The following TESC variants were observed in gnomAD, a reference collection of about 807,000 sequenced individuals.
The protein encoded by TESC is calcineurin B homologous protein 3.
Under a neutral mutation model 31.0 loss-of-function variants are expected in TESC, and 19 were observed. That is an observed-to-expected ratio of 0.61 (90% CI 0.43 to 0.90). TESC has a LOEUF of 0.90. Among genes scored for constraint, TESC ranks in the 40% least tolerant of loss-of-function variants. The pLI is 0.00. For missense variants in TESC, 248 were observed against 303.8 expected, an observed-to-expected ratio of 0.82 and a Z score of 1.36; for synonymous variants, 109 against 114.8, an observed-to-expected ratio of 0.95 and a Z score of 0.32.
intron 1 of TESC, among the ~76,000 whole-genome samples, chr12:117,077,552 T>A (rs887952588): frequency 1.3e-5 from 2 of 152,238 alleles, no homozygotes; most frequent in African/African-American, 4.8e-5. Flanking sequence ...AGAGTGCTAA[T>A]GTGTAATATA....
At chr12:117,075,923 G>GTGTGTGTA (rs1280720061) in intron 1 of TESC, among the ~76,000 whole-genome samples, 16 of 68,666 alleles carry the variant, frequency 2.3e-4, no homozygotes, top group East Asian at 3.3e-4. Context: ...ATGTGTGTGT[G>GTGTGTGTA]TATATATATA....
intron 7 of TESC, among the ~76,000 whole-genome samples, chr12:117,041,181 G>A (rs1954478370): frequency 1.3e-5 from 2 of 152,220 alleles, no homozygotes; most frequent in Non-Finnish European, 2.9e-5. Context: ...AGGGAGGAGG[G>A]CAGAGTGGGC....
intron 1 of TESC, among the ~76,000 whole-genome samples, chr12:117,077,605 T>C (rs749500145): frequency 2.0e-5 from 3 of 152,168 alleles, no homozygotes; most frequent in Non-Finnish European, 4.4e-5. Flanking sequence ...ATGAACAATA[T>C]AGATAATCAC....
At chr12:117,053,397 G>C (rs1001051607) in intron 3 of TESC, among the ~76,000 whole-genome samples, 1 of 152,166 alleles carries the variant, frequency 6.6e-6, no homozygotes, top group African/African-American at 2.4e-5. Flanking sequence ...TGGCAGGTGT[G>C]TGCATTCCAC....
chr12:117,050,164 T>A (rs886362974), intron 3 of TESC, among the ~76,000 whole-genome samples: 1 of 152,152 alleles, frequency 6.6e-6, no homozygotes, highest in Admixed American at 6.5e-5. Context: ...CGAATAGTAT[T>A]TCATGACAAG....
chr12:117,075,951 A>ATGTATG lies in TESC; in HGVS notation c.59-612_59-611insCATACA, dbSNP rs1491208287. On this transcript the variant is annotated intron_variant, in intron 1 of 7. Coordinates refer to ENST00000335209, the MANE Select transcript of TESC (RefSeq NM_017899.4). ...TATATATATATATATGTATATATAC[A>ATGTATG]TATATATATATATATGTATGTATAT... Among the ~76,000 whole-genome samples the ATGTATG allele has an allele frequency of 5.0e-3, 392 of 77,840 alleles. 15 individuals are homozygous for ATGTATG. The highest frequency in any genetic ancestry group is 0.029 in the African/African-American group (379 of 13,298). The allele number at this position is 77,840 out of a possible 152,430, so 51.1% of individuals were successfully genotyped here.
At chr12:117,072,295 C>T (rs550184433) in intron 2 of TESC, among the ~76,000 whole-genome samples, 91 of 152,276 alleles carry the variant, frequency 6.0e-4, no homozygotes, top group African/African-American at 2.1e-3. Context: ...TGGGGTCTCA[C>T]TGTGTTGCCC....
intron 4 of TESC, 91 bp from the exon 5 acceptor site, chr12:117,046,929 C>A: frequency 2.2e-6 from 3 of 1,379,562 alleles, no homozygotes; most frequent in Non-Finnish European, 3.0e-6. Context: ...CAAAAGACAC[C>A]AATAACCAAA....
chr12:117,090,086 C>T (rs1955286291), intron 1 of TESC, among the ~76,000 whole-genome samples: 1 of 151,738 alleles, frequency 6.6e-6, no homozygotes. Flanking sequence ...TTACACACAG[C>T]CAAATGTTCA....
intron 1 of TESC, among the ~76,000 whole-genome samples, chr12:117,098,905 T>G (rs1291421344): frequency 6.6e-6 from 1 of 151,306 alleles, no homozygotes; most frequent in Non-Finnish European, 1.5e-5. Context: ...CTGAGGGACT[T>G]GCCCGCCCGG....
At chr12:117,088,230 A>T (rs1955247513) in intron 1 of TESC, among the ~76,000 whole-genome samples, 1 of 152,200 alleles carries the variant, frequency 6.6e-6, no homozygotes, top group Non-Finnish European at 1.5e-5. Context: ...AAGATGATGA[A>T]GGGGGAAAAA....
chr12:117,047,425 T>TA (rs1555229821), intron 4 of TESC, among the ~76,000 whole-genome samples: 3 of 151,832 alleles, frequency 2.0e-5, no homozygotes, highest in African/African-American at 7.3e-5. Context: ...TTTTTTTTTT[T>TA]AATGTATTTA....
At chr12:117,045,682 G>A (rs1280083265) in intron 6 of TESC, among the ~76,000 whole-genome samples, 2 of 152,248 alleles carry the variant, frequency 1.3e-5, no homozygotes. Flanking sequence ...GGGGCACAGA[G>A]AGCAGGATCC....
intron 6 of TESC, among the ~76,000 whole-genome samples, chr12:117,044,148 C>T (rs1954523405): frequency 6.6e-6 from 1 of 152,118 alleles, no homozygotes; most frequent in South Asian, 2.1e-4. Flanking sequence ...CCTGTAGTCC[C>T]AGCTGCTCCA....
At position 117,073,070 on chromosome 12, in the gene TESC, T is replaced by C. The variant is rs116921220; in HGVS notation, c.128+2201A>G. Among the ~76,000 whole-genome samples the C allele has an allele frequency of 8.5e-4, 129 of 152,180 alleles. 2 individuals carry two copies. In the East Asian group the frequency reaches 0.024, roughly 28 times the overall value. On this transcript the variant is annotated intron_variant, in intron 2 of 7. Transcript: ENST00000335209. ...GCATCCAGTGTCCATATATGCCACC[T>C]CCCCGCTAGATCTCAGTGCCTGGCT... is the stretch of plus-strand genomic sequence containing the variant.
intron 2 of TESC, among the ~76,000 whole-genome samples, chr12:117,071,900 G>A (rs759479724): frequency 2.4e-4 from 36 of 152,152 alleles, no homozygotes; most frequent in Non-Finnish European, 4.1e-4. Flanking sequence ...GCTGGGCAAC[G>A]GAGGCACTTG....
chr12:117,055,673 G>A (rs1954712383), intron 3 of TESC, among the ~76,000 whole-genome samples: 1 of 152,214 alleles, frequency 6.6e-6, no homozygotes, highest in African/African-American at 2.4e-5. Flanking sequence ...TGCCTCTGGA[G>A]GAAGCAAGCC....
intron 2 of TESC, among the ~76,000 whole-genome samples, chr12:117,058,594 G>C (rs1182332067): frequency 6.8e-6 from 1 of 148,086 alleles, no homozygotes; most frequent in Non-Finnish European, 1.5e-5. Context: ...AGCCAGCCAG[G>C]TGTGATGGCA....
chr12:117,068,080 G>A (rs1350559878), intron 2 of TESC, among the ~76,000 whole-genome samples: 1 of 152,046 alleles, frequency 6.6e-6, no homozygotes, highest in Non-Finnish European at 1.5e-5. Context: ...TTTTTGTAGA[G>A]ACAGAGTCTC....
Sources: gnomAD v4.1 joint callset for allele counts (sites outside exome capture counted in the v4.1 genomes callset) on GRCh38, gnomAD v4.1.1 for gene constraint, MANE v1.5 for transcripts, NCBI Gene and HGNC (gene_info 2026-07-23, HGNC 2026-07-21) for gene names.